STX2: variants seen among roughly 807,000 people sequenced by gnomAD.
STX2 encodes the protein syntaxin 2, also known as syntaxin-2.
A neutral mutation model predicts 40.6 loss-of-function variants in STX2; 27 were observed. The ratio of observed to expected loss-of-function variants is 0.66; its 90% CI spans 0.49 to 0.92. STX2 has a LOEUF of 0.92. Ranked by LOEUF, STX2 falls within the 40% of genes least tolerant of loss-of-function variation. The pLI, the probability that STX2 is intolerant of heterozygous loss-of-function variation, is 0.00. For missense variants in STX2, 328 were observed against 366.1 expected (o/e 0.90, Z 0.85); for synonymous variants, 123 against 119.1 (o/e 1.03, Z -0.22).
chr12:130,793,071 G>C (rs141930125), intron 10 of STX2, among the ~76,000 whole-genome samples: 5 of 152,052 alleles, frequency 3.3e-5, no homozygotes, highest in Non-Finnish European at 7.4e-5. Flanking sequence ...CCAAATGTAC[G>C]AGTGCTTTTA....
intron 4 of STX2, among the ~76,000 whole-genome samples, chr12:130,809,417 T>C (rs1223482810): frequency 6.6e-6 from 1 of 152,188 alleles, no homozygotes; most frequent in Non-Finnish European, 1.5e-5. Flanking sequence ...CAGAATGACA[T>C]AAATACTTCA....
Position 130,807,030 on chromosome 12 carries a change from G to A in STX2, c.415C>T (p.Leu139=). ...CGGCCTTTGCTCCGCTCCCGAAACA[G>A]AGTCTGTGCCTCATTGTACTCCGCC... The part of the protein sequence containing the change: ...AMAEYNEAQT[L]FRERSKGRIQ... The change falls in exon 6 of 11, where the codon CTG becomes TTG. Residue 139 remains leucine (L), a synonymous_variant. Transcript: ENST00000392373. 1 of 1,614,208 alleles carries A rather than the reference G, an allele frequency of 6.2e-7. No homozygotes were observed. The highest frequency in any genetic ancestry group is 8.5e-7 in the Non-Finnish European group (1 of 1,180,026).
Position 130,821,748 on chromosome 12 carries a change from T to C in STX2, c.146A>G (p.Tyr49Cys). The change falls in exon 3 of 11, where the codon TAT becomes TGT. Residue 49 changes from tyrosine (Y) to cysteine (C), a missense_variant. Transcript: ENST00000392373. ...IRNSIDKITQYVEEVKKNHSI... is the reference protein window; with the variant it reads ...IRNSIDKITQCVEEVKKNHSI... ...GTGGTTTTTCTTTACTTCTTCAACA[T>C]ATTGAGTTATTTTATCAATACTGTT... is the stretch of plus-strand genomic sequence containing the variant. The C allele has an allele frequency of 6.2e-7, 1 of 1,613,168 alleles. No individual in the cohort carries two copies. The highest frequency in any genetic ancestry group is 8.5e-7 in the Non-Finnish European group (1 of 1,179,124).
At chr12:130,824,632 C>T (rs1187886914) in intron 2 of STX2, among the ~76,000 whole-genome samples, 1 of 152,100 alleles carries the variant, frequency 6.6e-6, no homozygotes, top group Non-Finnish European at 1.5e-5. Flanking sequence ...GGTCCTTTGG[C>T]TCCATTATAA....
In STX2 at chr12:130,791,873, G is replaced by A. The variant is rs761513362; in HGVS notation, c.*150C>T. The A allele has an allele frequency of 7.5e-6, 12 of 1,600,402 alleles. No individual in the cohort carries two copies. The highest frequency in any genetic ancestry group is 4.5e-5 in the South Asian group (4 of 89,884). On this transcript the variant is annotated 3_prime_UTR_variant, in exon 11 of 11. Coordinates refer to ENST00000392373, the MANE Select transcript of STX2 (RefSeq NM_194356.4). ...GTTGCAGATGTGGTCTGAGTCTCAA[G>A]GATAAATGGCTCTTGGGATATGGTT...
Position 130,789,942 on chromosome 12 carries a change from A to G in STX2, c.*2081T>C, listed in dbSNP as rs1267232488. 1 of 152,246 alleles carries G rather than the reference A, an allele frequency of 6.6e-6. No homozygotes were observed. The highest frequency in any genetic ancestry group is 1.5e-5 in the Non-Finnish European group (1 of 68,048). 9.4% of individuals were successfully genotyped at this position (152,246 alleles called of 1,614,324 possible). The stretch of plus-strand genomic sequence containing the variant: ...TAAGAAGAATAACTTGAAAAATACC[A>G]TAATAAGTGTTGTAAAAGGGGAGGA... On this transcript the variant is annotated 3_prime_UTR_variant, in exon 11 of 11. Coordinates refer to ENST00000392373, the MANE Select transcript of STX2 (RefSeq NM_194356.4).
chr12:130,823,251 G>T (rs1308818948), intron 2 of STX2, among the ~76,000 whole-genome samples: 1 of 152,204 alleles, frequency 6.6e-6, no homozygotes, highest in African/African-American at 2.4e-5. Flanking sequence ...AGTTGAGGCT[G>T]TAGTGAGCTG....
intron 3 of STX2, among the ~76,000 whole-genome samples, chr12:130,818,181 AAAAAATAT>A (rs1303099104): frequency 4.0e-4 from 8 of 20,172 alleles, no homozygotes; most frequent in Admixed American, 7.6e-4. Flanking sequence ...AAAAAAAAAA[AAAAAATAT>A]ATATATATAT....
Position 130,801,246 on chromosome 12 carries a change from G to A in STX2, c.582C>T (p.Ile194=), listed in dbSNP as rs190226290. 71 of 1,613,720 alleles carry A rather than the reference G, an allele frequency of 4.4e-5. No individual in the cohort carries two copies. In the Admixed American group the frequency reaches 4.5e-4, roughly 10 times the overall value. Reference sequence around the variant, plus strand: ...TCATGATGTCCTTGTGACGTGACTCGATTTCATTGAGAGCTTGTCTAGTAA... The same window carrying A: ...TCATGATGTCCTTGTGACGTGACTCAATTTCATTGAGAGCTTGTCTAGTAA... The part of the protein sequence containing the change: ...SQITRQALNE[I]ESRHKDIMKL... The change falls in exon 8 of 11, where the codon ATC becomes ATT. Residue 194 remains isoleucine, a synonymous_variant. Transcript: ENST00000392373.
intron 3 of STX2, among the ~76,000 whole-genome samples, chr12:130,821,183 T>TGAGCA (rs1952098530): frequency 6.6e-6 from 1 of 152,198 alleles, no homozygotes; most frequent in Non-Finnish European, 1.5e-5. Flanking sequence ...AGGGAGAATT[T>TGAGCA]GGATAAACAG....
At chr12:130,808,885 G>A (rs1389652072) in intron 4 of STX2, among the ~76,000 whole-genome samples, 181 bp from the exon 5 acceptor site, 1 of 152,146 alleles carries the variant, frequency 6.6e-6, no homozygotes, top group Non-Finnish European at 1.5e-5. Context: ...ATTATTTTCT[G>A]AGACAAGGTC....
intron 3 of STX2, among the ~76,000 whole-genome samples, chr12:130,820,670 TAA>T (rs578084752): frequency 7.1e-6 from 1 of 141,760 alleles, no homozygotes. Flanking sequence ...CGTCTCAAAA[TAA>T]AAAAAAAAAT....
intron 9 of STX2, among the ~76,000 whole-genome samples, chr12:130,797,415 A>G (rs1445481752): frequency 6.6e-6 from 1 of 152,226 alleles, no homozygotes; most frequent in African/African-American, 2.4e-5. Flanking sequence ...CATGTCTGGC[A>G]TTTCAGAGAT....
chr12:130,801,960 A>C (rs1359698645), intron 6 of STX2, among the ~76,000 whole-genome samples: 1 of 152,242 alleles, frequency 6.6e-6, no homozygotes, highest in East Asian at 1.9e-4. Flanking sequence ...AGAAACATGT[A>C]CACAGGTTTT....
Position 130,808,679 on chromosome 12 carries a change from A to G in STX2, c.306T>C (p.Asp102=), listed in dbSNP as rs1457650662. 4.3e-6 allele frequency: 7 copies of G among 1,612,426 alleles called. No individual in the cohort carries two copies. Among genetic ancestry groups the G allele is most frequent in the Non-Finnish European group, 5.9e-6 (7 of 1,179,360 alleles). ...LKAIEQSFDQ[D]ESGNRTSVDL... Reference sequence around the variant, plus strand: ...CCACTGAAGTCCGGTTCCCACTCTCATCCTGATCAAAACTTTGTTCAATAG... The same window carrying G: ...CCACTGAAGTCCGGTTCCCACTCTCGTCCTGATCAAAACTTTGTTCAATAG... The change falls in exon 5 of 11, where the codon GAT becomes GAC. Residue 102 remains aspartate (D), a synonymous_variant. Coordinates refer to ENST00000392373, the MANE Select transcript of STX2 (RefSeq NM_194356.4).
At chr12:130,794,010 G>T (rs1422596583) in intron 10 of STX2, among the ~76,000 whole-genome samples, 18 of 152,084 alleles carry the variant, frequency 1.2e-4, no homozygotes, top group Non-Finnish European at 4.4e-5. Flanking sequence ...ACTCCCCAGG[G>T]GTCACACTGA....
intron 6 of STX2, among the ~76,000 whole-genome samples, chr12:130,802,652 T>C (rs939039277): frequency 1.3e-5 from 2 of 152,148 alleles, no homozygotes; most frequent in Non-Finnish European, 2.9e-5. Context: ...CACACACCCA[T>C]GCCTGGTTTA....
intron 8 of STX2, 81 bp from the exon 9 acceptor site, chr12:130,798,716 G>T: frequency 9.2e-7 from 1 of 1,089,582 alleles, no homozygotes; most frequent in Non-Finnish European, 1.3e-6. Flanking sequence ...TAGAACAAAG[G>T]TTTTATATAA....
At chr12:130,796,719 G>C (rs1447946050) in intron 9 of STX2, among the ~76,000 whole-genome samples, 3 of 152,112 alleles carry the variant, frequency 2.0e-5, no homozygotes, top group African/African-American at 7.2e-5. Flanking sequence ...TTAGTTTTCC[G>C]CATGTACAGA....
Sources: allele counts gnomAD v4.1 joint callset (sites outside exome capture counted in the v4.1 genomes callset), GRCh38; gene constraint gnomAD v4.1.1; transcripts MANE v1.5; gene names NCBI Gene and HGNC (gene_info 2026-07-23, HGNC 2026-07-21).